The following ALCAM variants were observed in gnomAD, a reference collection of about 807,000 sequenced individuals.
ALCAM encodes CD166 antigen.
A neutral mutation model predicts 70.9 loss-of-function variants in ALCAM; 30 were observed. The observed-to-expected ratio is 0.42, with a 90% CI of 0.32 to 0.57. ALCAM has a LOEUF of 0.57. Ranked by LOEUF, ALCAM falls within the 20% of genes least tolerant of loss-of-function variation. The pLI is 0.11. For missense variants in ALCAM, 591 were observed against 695.1 expected (o/e 0.85, Z 1.68); for synonymous variants, 249 against 242.5 (o/e 1.03, Z -0.25).
At chr3:105,552,645 G>A (rs1347583082) in intron 14 of ALCAM, 60 bp downstream of exon 14, 47 of 1,608,238 alleles carry the variant, frequency 2.9e-5, no homozygotes, top group Non-Finnish European at 4.0e-5. Flanking sequence ...AAAATACAAT[G>A]TGCTAATTTT....
intron 1 of ALCAM, among the ~76,000 whole-genome samples, chr3:105,420,498 A>G (rs1181136301): frequency 6.6e-6 from 1 of 151,770 alleles, no homozygotes; most frequent in African/African-American, 2.4e-5. Context: ...ATGAAGCTGA[A>G]TGAATTGCTT....
intron 1 of ALCAM, among the ~76,000 whole-genome samples, chr3:105,387,234 T>TCACA (rs141314471): frequency 1.8e-4 from 27 of 148,692 alleles, no homozygotes; most frequent in South Asian, 6.3e-4. Context: ...CTTCCCACCC[T>TCACA]CACACACACA....
chr3:105,384,601 C>T (rs554356771), intron 1 of ALCAM, among the ~76,000 whole-genome samples: 1 of 151,584 alleles, frequency 6.6e-6, no homozygotes, highest in South Asian at 2.1e-4. Flanking sequence ...CCCAGAAATT[C>T]TAAGACTTTT....
chr3:105,554,427 A>G (rs1940474640), intron 14 of ALCAM, among the ~76,000 whole-genome samples: 1 of 151,934 alleles, frequency 6.6e-6, no homozygotes, highest in Non-Finnish European at 1.5e-5. Flanking sequence ...GCCCACCCAC[A>G]TAGAGGAGGG....
intron 1 of ALCAM, among the ~76,000 whole-genome samples, chr3:105,506,812 G>A (rs188248677): frequency 6.6e-6 from 1 of 152,326 alleles, no homozygotes; most frequent in Admixed American, 6.5e-5. Context: ...TTGGGAATAT[G>A]TGAAAAACAT....
In ALCAM at chr3:105,571,890, T is replaced by A. The variant is rs1384891758; in HGVS notation, c.1703T>A (p.Met568Lys). Residue 568 changes from methionine (M) to lysine (K), a missense_variant, in exon 15 of 16, where the codon ATG (methionine) becomes AAG (lysine). Around this residue, in one of 2 missense-constraint regions of ALCAM, gnomAD observed 164 missense variants for 244.7 expected, o/e 0.67. Coordinates refer to ENST00000306107, the MANE Select transcript of ALCAM (RefSeq NM_001627.4). The part of the protein sequence containing the change: ...SKHVNKDLGN[M>K]EENKKLEENN... ...CATGTAAACAAGGACCTCGGTAATA[T>A]GGAAGAAAACAAAAAGTTAGAAGAA... 6.2e-7 allele frequency: 1 copy of A among 1,613,524 alleles called. No individual in the cohort carries two copies. Among genetic ancestry groups the A allele is most frequent in the Non-Finnish European group, 8.5e-7 (1 of 1,179,656 alleles).
chr3:105,467,035 A>G (rs1011475254), intron 1 of ALCAM, among the ~76,000 whole-genome samples: 5 of 151,380 alleles, frequency 3.3e-5, no homozygotes, highest in African/African-American at 9.7e-5. Context: ...TTAATTCTCA[A>G]CTTTACCATT....
intron 1 of ALCAM, among the ~76,000 whole-genome samples, chr3:105,445,001 A>G (rs1937260805): frequency 6.6e-6 from 1 of 152,214 alleles, no homozygotes; most frequent in Non-Finnish European, 1.5e-5. Context: ...TATATAAAAC[A>G]AATTATTTAA....
Position 105,524,450 on chromosome 3 carries a change from G to A in ALCAM, c.336G>A (p.Val112=). 5 of 1,614,098 alleles carry A rather than the reference G, an allele frequency of 3.1e-6. No individual in the cohort carries two copies. Among genetic ancestry groups the A allele is most frequent in the Non-Finnish European group, 4.2e-6 (5 of 1,179,984 alleles). ...NARISDEKRF[V]CMLVTEDNVF... Reference sequence around the variant, plus strand: ...GGATCAGTGATGAAAAGAGATTTGTGTGCATGCTAGTAACTGAGGACAACG... The same window carrying A: ...GGATCAGTGATGAAAAGAGATTTGTATGCATGCTAGTAACTGAGGACAACG... Residue 112 remains valine, a synonymous_variant, in exon 3 of 16, where the codon GTG becomes GTA. Transcript: ENST00000306107.
rs7652424 is a variant in ALCAM, at chr3:105,383,465, C to T, written c.73+15984C>T. ...TGAATAAAGGCATTAGTCAAAATTA[C>T]ATTTCATAATTATCAATGAAGCCTA... On this transcript the variant is annotated intron_variant, in intron 1 of 15. Transcript: ENST00000306107. 9.2e-3 allele frequency among the ~76,000 whole-genome samples: 1,390 copies of T among 151,854 alleles called. 17 individuals carry two copies. The highest frequency in any genetic ancestry group is 0.03 in the African/African-American group (1,244 of 41,484).
At chr3:105,432,284 A>G (rs1051529698) in intron 1 of ALCAM, among the ~76,000 whole-genome samples, 2 of 152,186 alleles carry the variant, frequency 1.3e-5, no homozygotes, top group South Asian at 2.1e-4. Flanking sequence ...AAAAATTCAA[A>G]TAAAATCATC....
At chr3:105,488,541 A>G (rs1938492812) in intron 1 of ALCAM, among the ~76,000 whole-genome samples, 1 of 152,156 alleles carries the variant, frequency 6.6e-6, no homozygotes, top group African/African-American at 2.4e-5. Context: ...GAATAAATCT[A>G]TTAAACAGCT....
At chr3:105,446,466 G>C (rs776711685) in intron 1 of ALCAM, among the ~76,000 whole-genome samples, 2 of 152,116 alleles carry the variant, frequency 1.3e-5, no homozygotes, top group Non-Finnish European at 2.9e-5. Context: ...TTGCACTATG[G>C]AGTATAAATC....
chr3:105,367,984 C>T (rs898025550), intron 1 of ALCAM, among the ~76,000 whole-genome samples: 13 of 151,854 alleles, frequency 8.6e-5, no homozygotes, highest in African/African-American at 2.9e-4. Flanking sequence ...GGACTTTAAT[C>T]ACCTCCCCCC....
At chr3:105,445,581 A>T (rs1045893201) in intron 1 of ALCAM, among the ~76,000 whole-genome samples, 1 of 152,180 alleles carries the variant, frequency 6.6e-6, no homozygotes, top group African/African-American at 2.4e-5. Context: ...TTCAAAATAC[A>T]CTACAAAGCT....
chr3:105,405,883 C>T (rs1936216075), intron 1 of ALCAM, among the ~76,000 whole-genome samples: 1 of 152,036 alleles, frequency 6.6e-6, no homozygotes. Context: ...GTTCCCGGAC[C>T]AAACTGAGGG....
intron 3 of ALCAM, among the ~76,000 whole-genome samples, chr3:105,528,443 A>G (rs944289977): frequency 6.6e-6 from 1 of 152,210 alleles, no homozygotes; most frequent in African/African-American, 2.4e-5. Context: ...ATAACTGCAG[A>G]TGATATAAAA....
At chr3:105,493,194 G>T (rs549273388) in intron 1 of ALCAM, among the ~76,000 whole-genome samples, 181 of 152,072 alleles carry the variant, frequency 1.2e-3, no homozygotes, top group African/African-American at 4.2e-3. Flanking sequence ...CACATAATTT[G>T]GTCTCTCAGT....
At chr3:105,408,525 C>A (rs2178407) in intron 1 of ALCAM, among the ~76,000 whole-genome samples, 104,612 of 152,024 alleles carry the variant, frequency 0.69, 36,295 homozygotes, top group East Asian at 0.92. Context: ...CTGGATTCTC[C>A]TCTTACCTTA....
Sources: allele counts gnomAD v4.1 joint callset (sites outside exome capture counted in the v4.1 genomes callset), GRCh38; gene constraint gnomAD v4.1.1; regional missense constraint gnomAD v4.1.1; transcripts MANE v1.5; gene names NCBI Gene and HGNC (gene_info 2026-07-23, HGNC 2026-07-21).